The following KDELR2 variants were observed in gnomAD, a reference collection of about 807,000 sequenced individuals.
KDELR2 encodes KDEL endoplasmic reticulum protein retention receptor 2, also known as ER lumen protein-retaining receptor 2.
A neutral mutation model predicts 23.9 loss-of-function variants in KDELR2; 15 were observed. That is an observed-to-expected ratio of 0.63 (90% CI 0.42 to 0.97). The LOEUF (loss-of-function observed/expected upper bound fraction) is 0.97. Ranked by LOEUF, KDELR2 falls within the 50% of genes least tolerant of loss-of-function variation. The pLI, the probability that KDELR2 is intolerant of heterozygous loss-of-function variation, is 0.00. For missense variants in KDELR2, 272 were observed against 254.6 expected, an observed-to-expected ratio of 1.07 and a Z score of -0.46; for synonymous variants, 119 against 106.2, an observed-to-expected ratio of 1.12 and a Z score of -0.74.
chr7:6,474,725 C>T (rs1785719734), intron 1 of KDELR2, among the ~76,000 whole-genome samples: 1 of 152,202 alleles, frequency 6.6e-6, no homozygotes, highest in African/African-American at 2.4e-5. Context: ...AGTGCAGAGG[C>T]ACGATCAAGC....
chr7:6,463,300 G>A (rs1004152661), intron 4 of KDELR2, 125 bp from the exon 5 acceptor site: 1 of 705,378 alleles, frequency 1.4e-6, no homozygotes, highest in Non-Finnish European at 2.3e-6. Flanking sequence ...TAGGAAATAA[G>A]CAATTGTATT....
chr7:6,464,533 CA>C (rs1244333805), intron 4 of KDELR2, among the ~76,000 whole-genome samples: 1 of 151,442 alleles, frequency 6.6e-6, no homozygotes, highest in Non-Finnish European at 1.5e-5. Context: ...CAAAACAAAA[CA>C]AAACAAAATT....
intron 4 of KDELR2, among the ~76,000 whole-genome samples, chr7:6,464,091 G>A (rs1785445832): frequency 6.6e-6 from 1 of 150,640 alleles, no homozygotes; most frequent in Non-Finnish European, 1.5e-5. Context: ...CAGCTACTCA[G>A]GAGGCTGAGG....
intron 1 of KDELR2, among the ~76,000 whole-genome samples, chr7:6,480,468 G>C (rs1000393164): frequency 1.3e-5 from 2 of 152,160 alleles, no homozygotes; most frequent in African/African-American, 4.8e-5. Flanking sequence ...AGCCACAAGA[G>C]AATGCAGCCT....
chr7:6,464,439 A>C (rs951642125), intron 4 of KDELR2, among the ~76,000 whole-genome samples: 40 of 152,156 alleles, frequency 2.6e-4, no homozygotes, highest in Admixed American at 5.9e-4. Context: ...GAATCACTTG[A>C]AGCTGCAAGG....
intron 2 of KDELR2, chr7:6,470,159 G>A (rs952998472): frequency 1.9e-5 from 3 of 157,472 alleles, no homozygotes; most frequent in African/African-American, 7.2e-5. Flanking sequence ...GCATCTGAGA[G>A]GCAACCAAAC....
chr7:6,481,102 G>A (rs1785878432), intron 1 of KDELR2, among the ~76,000 whole-genome samples: 1 of 152,192 alleles, frequency 6.6e-6, no homozygotes, highest in Admixed American at 6.5e-5. Flanking sequence ...CAGGCGCAGT[G>A]GCTTACGCCT....
At chr7:6,469,832 T>A in intron 2 of KDELR2, 78 bp from the exon 3 acceptor site, 1 of 1,287,304 alleles carries the variant, frequency 7.8e-7, no homozygotes. Flanking sequence ...TAATCACCCA[T>A]GTATTTGGAA....
intron 1 of KDELR2, among the ~76,000 whole-genome samples, chr7:6,482,088 C>T (rs1344370351): frequency 6.6e-6 from 1 of 152,046 alleles, no homozygotes; most frequent in Admixed American, 6.6e-5. Context: ...CCGCAATCTC[C>T]GCCTCCCAGG....
rs1278697304 is a variant in KDELR2 at position 6,462,026 on chromosome 7, C to G, written c.*1115G>C. On this transcript the variant is annotated 3_prime_UTR_variant, in exon 5 of 5. Transcript: ENST00000258739. ...CTAATTCATAAAAAGACAATTTATT[C>G]CATGTTTAATATAGTGTTTTTTAGG... 6.6e-6 allele frequency: 1 copy of G among 152,122 alleles called. No individual in the cohort carries two copies. The highest frequency in any genetic ancestry group is 1.5e-5 in the Non-Finnish European group (1 of 68,028). The allele number at this position is 152,122 out of a possible 1,614,324, so 9.4% of individuals were successfully genotyped here.
intron 1 of KDELR2, among the ~76,000 whole-genome samples, chr7:6,479,167 CTT>C (rs1230324917): frequency 1.3e-5 from 2 of 151,906 alleles, no homozygotes; most frequent in Non-Finnish European, 2.9e-5. Flanking sequence ...TTTTGTTTGT[CTT>C]TTGTTTTTGA....
At chr7:6,463,864 C>T (rs577270028) in intron 4 of KDELR2, among the ~76,000 whole-genome samples, 52 of 151,168 alleles carry the variant, frequency 3.4e-4, no homozygotes, top group Non-Finnish European at 6.9e-4. Flanking sequence ...AGTTCAAGAC[C>T]AGCCTAGCCA....
chr7:6,480,259 T>C (rs896255059), intron 1 of KDELR2, among the ~76,000 whole-genome samples: 5 of 152,172 alleles, frequency 3.3e-5, no homozygotes, highest in African/African-American at 7.2e-5. Context: ...CTAATAACCA[T>C]TGGCCTACAG....
chr7:6,482,975 A>C (rs565180449), intron 1 of KDELR2, among the ~76,000 whole-genome samples: 16 of 151,794 alleles, frequency 1.1e-4, no homozygotes, highest in African/African-American at 3.4e-4. Context: ...ACTGCACTCA[A>C]GCCTGGGTGA....
At chr7:6,473,046 T>TA (rs1409601729) in intron 2 of KDELR2, among the ~76,000 whole-genome samples, 1 of 150,048 alleles carries the variant, frequency 6.7e-6, no homozygotes. Context: ...TAGTTGGGAC[T>TA]ACAGGAGTAT....
At chr7:6,465,933 A>G in intron 4 of KDELR2, 138 bp downstream of exon 4, 1 of 878,588 alleles carries the variant, frequency 1.1e-6, no homozygotes, top group East Asian at 2.5e-5. Flanking sequence ...ATCCTGATCC[A>G]GAATGTTATT....
intron 1 of KDELR2, chr7:6,482,573 A>G: frequency 2.1e-6 from 1 of 470,930 alleles, no homozygotes; most frequent in South Asian, 1.5e-5. Flanking sequence ...GTTATGTTCC[A>G]AGGAGACAGG....
chr7:6,480,600 T>C (rs118091916), intron 1 of KDELR2, among the ~76,000 whole-genome samples: 3,502 of 152,266 alleles, frequency 0.023, 62 homozygotes, highest in Middle Eastern at 0.054. Context: ...TCCCTGATCC[T>C]TATGGGGTAA....
rs1785709654 is a variant in KDELR2 at position 6,474,252 on chromosome 7, G to C, written c.124C>G (p.Leu42Val). Residue 42 changes from leucine to valine, a missense_variant, in exon 2 of 5, where the codon CTG (leucine) becomes GTG (valine). Transcript: ENST00000258739. ...ISGKSQLLFA[L>V]VFTTRYLDLF... ...TCCAGGTAACGAGTTGTGAAGACCA[G>C]TGCAAACAGAAGCTGGCTTTTCCCA... 2 of 1,613,730 alleles carry C rather than the reference G, an allele frequency of 1.2e-6. No individual in the cohort carries two copies. Among genetic ancestry groups the C allele is most frequent in the Non-Finnish European group, 1.7e-6 (2 of 1,179,762 alleles).
Sources: allele counts gnomAD v4.1 joint callset (sites outside exome capture counted in the v4.1 genomes callset), GRCh38; gene constraint gnomAD v4.1.1; transcripts MANE v1.5; gene names NCBI Gene and HGNC (gene_info 2026-07-23, HGNC 2026-07-21).